Variants in TMEM232 observed in about 807,000 individuals in gnomAD.
TMEM232 encodes transmembrane protein 232.
TMEM232 carries 80 observed loss-of-function variants against 78.8 expected under a neutral mutation model. The ratio of observed to expected loss-of-function variants is 1.01; its 90% CI spans 0.85 to 1.22. TMEM232 has a LOEUF of 1.22. Among genes scored for constraint, TMEM232 ranks in the 50% most tolerant of loss-of-function variants. The probability of loss-of-function intolerance (pLI) is 0.00; values close to 1 mark genes in which losing one functional copy is unlikely to be tolerated. For missense variants in TMEM232, 881 were observed against 742.2 expected, an observed-to-expected ratio of 1.19 and a Z score of -2.17; for synonymous variants, 297 against 254.3, an observed-to-expected ratio of 1.17 and a Z score of -1.60.
chr5:110,722,480 C>T (rs1225176924), intron 1 of TMEM232, among the ~76,000 whole-genome samples: 4 of 152,272 alleles, frequency 2.6e-5, no homozygotes, highest in Middle Eastern at 3.4e-3. Context: ...TTGTTCACTA[C>T]ACGGCTGTCA....
At chr5:110,499,630 C>G (rs866449142) in intron 12 of TMEM232, among the ~76,000 whole-genome samples, 1 of 126,226 alleles carries the variant, frequency 7.9e-6, no homozygotes, top group Admixed American at 7.3e-5. Context: ...TGTATACACC[C>G]CCCCCCACAC....
intron 1 of TMEM232, among the ~76,000 whole-genome samples, chr5:110,708,898 T>C (rs982473543): frequency 6.6e-6 from 1 of 151,930 alleles, no homozygotes; most frequent in Non-Finnish European, 1.5e-5. Context: ...TAACATTGAA[T>C]GTAAATGGGG....
At chr5:110,498,112 G>A (rs1765827153) in intron 12 of TMEM232, among the ~76,000 whole-genome samples, 1 of 152,114 alleles carries the variant, frequency 6.6e-6, no homozygotes. Flanking sequence ...GGGAAATCAT[G>A]TAATGTATAT....
intron 12 of TMEM232, among the ~76,000 whole-genome samples, chr5:110,426,274 C>A (rs895980718): frequency 2.6e-5 from 4 of 151,896 alleles, no homozygotes; most frequent in Non-Finnish European, 5.9e-5. Context: ...TTTATCATGT[C>A]CCTGTGTGAG....
Position 110,563,830 on chromosome 5 carries a change from C to T in TMEM232, c.1455+4617G>A, listed in dbSNP as rs144207786. On this transcript the variant is annotated intron_variant, in intron 11 of 13. Coordinates refer to ENST00000455884, the MANE Select transcript of TMEM232 (RefSeq NM_001039763.4). Reference sequence around the variant, plus strand: ...GCTGAAGCACAGTTGCATAAAAGCACGTCCATGAAATTCAAGACAATATAA... The same window carrying T: ...GCTGAAGCACAGTTGCATAAAAGCATGTCCATGAAATTCAAGACAATATAA... 1.0e-3 allele frequency among the ~76,000 whole-genome samples: 158 copies of T among 152,022 alleles called. 2 individuals are homozygous for T. The East Asian group carries it at 0.021, about 21-fold the overall frequency.
intron 1 of TMEM232, among the ~76,000 whole-genome samples, chr5:110,705,424 A>AGCT (rs1795828311): frequency 6.6e-6 from 1 of 152,102 alleles, no homozygotes; most frequent in African/African-American, 2.4e-5. Flanking sequence ...AAGGGTTGGA[A>AGCT]GCTGCATGGA....
At position 110,436,998 on chromosome 5, in the gene TMEM232, G is replaced by A. The variant is rs116703828; in HGVS notation, c.1704-12082C>T. 9.3e-3 allele frequency among the ~76,000 whole-genome samples: 1,416 copies of A among 151,968 alleles called. 21 individuals are homozygous for A. Among genetic ancestry groups the A allele is most frequent in the African/African-American group, 0.032 (1,341 of 41,492 alleles). ...CATATTTCTGTGAAGAATGTCATTGGTATACTCATAGGGATTGCACTGATC... is the reference window on the plus strand; with the variant it reads ...CATATTTCTGTGAAGAATGTCATTGATATACTCATAGGGATTGCACTGATC... On this transcript the variant is annotated intron_variant, in intron 12 of 13. Transcript: ENST00000455884.
At chr5:110,609,348 C>G (rs996343288) in intron 8 of TMEM232, among the ~76,000 whole-genome samples, 3 of 152,102 alleles carry the variant, frequency 2.0e-5, no homozygotes, top group Middle Eastern at 6.8e-3. Flanking sequence ...CTTCTTGAAA[C>G]ACAGCAGCCT....
At chr5:110,644,314 G>C (rs1367092131) in intron 2 of TMEM232, among the ~76,000 whole-genome samples, 1 of 151,722 alleles carries the variant, frequency 6.6e-6, no homozygotes, top group African/African-American at 2.4e-5. Context: ...CTTCTCATTT[G>C]TATGAAGAGT....
chr5:110,524,134 G>A (rs185379363), intron 12 of TMEM232, among the ~76,000 whole-genome samples: 212 of 150,796 alleles, frequency 1.4e-3, no homozygotes, highest in Admixed American at 4.0e-3. Context: ...ATGGTGGTGC[G>A]TGCCTGTAGT....
intron 2 of TMEM232, among the ~76,000 whole-genome samples, chr5:110,660,808 C>A (rs187620565): frequency 6.6e-6 from 1 of 152,222 alleles, no homozygotes; most frequent in Non-Finnish European, 1.5e-5. Context: ...CCATCAATCA[C>A]CTCAAGCATT....
At chr5:110,629,028 A>G (rs1046888282) in intron 5 of TMEM232, 2 of 152,108 alleles carry the variant, frequency 1.3e-5, no homozygotes, top group Admixed American at 6.6e-5. Context: ...AAGTATGTAA[A>G]AATAACATGT....
chr5:110,424,390 C>G (rs1306218059), intron 13 of TMEM232, among the ~76,000 whole-genome samples: 3 of 152,114 alleles, frequency 2.0e-5, no homozygotes, highest in Admixed American at 1.3e-4. Context: ...TGTGAATAGT[C>G]TTGTATTGCC....
intron 1 of TMEM232, among the ~76,000 whole-genome samples, chr5:110,676,474 C>T (rs1048664175): frequency 1.1e-4 from 16 of 151,930 alleles, no homozygotes; most frequent in African/African-American, 2.4e-4. Context: ...TTGGGGCTCA[C>T]TGCAATCTGC....
intron 12 of TMEM232, among the ~76,000 whole-genome samples, chr5:110,490,992 A>G (rs1765028111): frequency 6.6e-6 from 1 of 152,128 alleles, no homozygotes. Context: ...CTTCATCAAA[A>G]CTAAAAACTT....
chr5:110,723,563 C>T (rs1351330539), intron 1 of TMEM232, among the ~76,000 whole-genome samples: 2 of 152,090 alleles, frequency 1.3e-5, no homozygotes, highest in Non-Finnish European at 2.9e-5. Flanking sequence ...TCTGTATAGA[C>T]TGTTAGCTAT....
intron 12 of TMEM232, among the ~76,000 whole-genome samples, chr5:110,515,089 T>C (rs1768405243): frequency 6.6e-6 from 1 of 152,192 alleles, no homozygotes; most frequent in South Asian, 2.1e-4. Flanking sequence ...TTTCTGAACT[T>C]ATGGTTGCAA....
chr5:110,442,806 A>T (rs1580699786), intron 12 of TMEM232, among the ~76,000 whole-genome samples: 1 of 152,134 alleles, frequency 6.6e-6, no homozygotes, highest in Non-Finnish European at 1.5e-5. Context: ...TTGAATCCCA[A>T]GCCCAATAGC....
intron 11 of TMEM232, among the ~76,000 whole-genome samples, chr5:110,558,510 C>T (rs187378916): frequency 2.6e-5 from 4 of 152,202 alleles, no homozygotes; most frequent in Middle Eastern, 3.4e-3. Flanking sequence ...CAGGGAAGCA[C>T]CTCAGTTGAG....
Sources: allele counts gnomAD v4.1 joint callset (sites outside exome capture counted in the v4.1 genomes callset), GRCh38; gene constraint gnomAD v4.1.1; transcripts MANE v1.5; gene names NCBI Gene and HGNC (gene_info 2026-07-23, HGNC 2026-07-21).